The following PDZD2 variants were observed in gnomAD, a reference collection of about 807,000 sequenced individuals.
PDZD2 encodes PDZ domain containing 2.
Under a neutral mutation model 220.7 loss-of-function variants are expected in PDZD2, and 90 were observed. The observed-to-expected ratio is 0.41, with a 90% confidence interval of 0.34 to 0.49. The LOEUF is 0.49. Among genes scored for constraint, PDZD2 ranks in the 20% least tolerant of loss-of-function variants. The pLI is 0.28. For synonymous variants in PDZD2, 1,375 were observed against 1,450.5 expected, an observed-to-expected ratio of 0.95 and a Z score of 1.18; for missense variants, 3,174 against 3,608.5, an observed-to-expected ratio of 0.88 and a Z score of 3.08.
intron 2 of PDZD2, among the ~76,000 whole-genome samples, chr5:31,920,627 T>C (rs949573038): frequency 6.6e-6 from 1 of 151,754 alleles, no homozygotes; most frequent in East Asian, 1.9e-4. Context: ...GGAAATATAG[T>C]AAAACCTGTC....
chr5:32,050,937 A>G (rs1186346125), intron 8 of PDZD2, among the ~76,000 whole-genome samples: 1 of 152,216 alleles, frequency 6.6e-6, no homozygotes, highest in East Asian at 1.9e-4. Context: ...GTAGCCGTAT[A>G]TGTCTACTGA....
intron 2 of PDZD2, among the ~76,000 whole-genome samples, chr5:31,899,043 G>A (rs1225917817): frequency 1.3e-5 from 2 of 151,798 alleles, no homozygotes. Flanking sequence ...TAGCCAGGAT[G>A]GTTTCAATCT....
rs891930643 is a variant in PDZD2 at position 31,978,640 on chromosome 5, G to T, written c.477-4515G>T. 3.3e-5 allele frequency among the ~76,000 whole-genome samples: 5 copies of T among 150,790 alleles called. No individual in the cohort carries two copies. The East Asian group carries it at 7.8e-4, about 23-fold the overall frequency. On this transcript the variant is annotated intron_variant, in intron 2 of 24. Coordinates refer to ENST00000438447, the MANE Select transcript of PDZD2 (RefSeq NM_178140.4). ...TGAGGCAGGAGAATGGTGTGAACCC[G>T]GGAGGCGGAGTTGGCAGTGAGCCAA...
chr5:31,986,719 T>C (rs1750751681), intron 3 of PDZD2, among the ~76,000 whole-genome samples: 1 of 152,200 alleles, frequency 6.6e-6, no homozygotes, highest in Non-Finnish European at 1.5e-5. Flanking sequence ...ATTTTTCCAT[T>C]TCTGTCTTTA....
At chr5:31,894,591 C>G (rs1017103037) in intron 2 of PDZD2, among the ~76,000 whole-genome samples, 3 of 152,148 alleles carry the variant, frequency 2.0e-5, no homozygotes, top group Non-Finnish European at 2.9e-5. Flanking sequence ...TTTGCTTTTC[C>G]AAGCGCTTCC....
At chr5:31,693,996 G>T (rs1016521929) in intron 1 of PDZD2, among the ~76,000 whole-genome samples, 1 of 152,172 alleles carries the variant, frequency 6.6e-6, no homozygotes, top group East Asian at 1.9e-4. Context: ...CATTAACTGC[G>T]TCATAACTGC....
At chr5:31,857,532 C>G (rs1281059898) in intron 2 of PDZD2, among the ~76,000 whole-genome samples, 3 of 152,178 alleles carry the variant, frequency 2.0e-5, no homozygotes, top group Admixed American at 1.3e-4. Flanking sequence ...AAATCCCTTT[C>G]TCTCAGAAGT....
intron 1 of PDZD2, among the ~76,000 whole-genome samples, chr5:31,676,086 G>A (rs1746402087): frequency 6.6e-6 from 1 of 152,200 alleles, no homozygotes; most frequent in South Asian, 2.1e-4. Context: ...AAAGGAAAAT[G>A]CCTATTTTAT....
intron 2 of PDZD2, among the ~76,000 whole-genome samples, chr5:31,865,323 CT>C: frequency 6.6e-6 from 1 of 151,560 alleles, no homozygotes; most frequent in South Asian, 2.1e-4. Context: ...TTGTTTTTGG[CT>C]TTTTTTGAGA....
intron 2 of PDZD2, among the ~76,000 whole-genome samples, chr5:31,914,690 A>G (rs1471150389): frequency 6.6e-6 from 1 of 152,218 alleles, no homozygotes; most frequent in Non-Finnish European, 1.5e-5. Context: ...TGCCATTGCT[A>G]GTGCCATTTT....
chr5:31,912,232 G>T (rs1339947731), intron 2 of PDZD2, among the ~76,000 whole-genome samples: 2 of 152,192 alleles, frequency 1.3e-5, no homozygotes, highest in Non-Finnish European at 2.9e-5. Context: ...GTGAGGGTCT[G>T]CTTTCTGGTT....
chr5:32,040,383 T>A (rs531525504), intron 7 of PDZD2, among the ~76,000 whole-genome samples: 1 of 110,582 alleles, frequency 9.0e-6, no homozygotes, highest in Non-Finnish European at 1.8e-5. Flanking sequence ...AAGTGAGGAG[T>A]GCGTCTGCCC....
rs1743998172 is a variant in PDZD2, at chr5:32,098,985, G to A, written c.8218+351G>A. On this transcript the variant is annotated intron_variant, in intron 23 of 24. Coordinates refer to ENST00000438447, the MANE Select transcript of PDZD2 (RefSeq NM_178140.4). This position sits in a 1 kb window ranked among gnomAD's most constrained non-coding sequence, Gnocchi z 4.1. The stretch of plus-strand genomic sequence containing the variant: ...ACTACGTGACGGGGCGAGCAGTGTT[G>A]AAGGAGAAATTCCAGAACTAAGATT... 6.6e-6 allele frequency among the ~76,000 whole-genome samples: 1 copy of A among 152,186 alleles called. No individual in the cohort carries two copies. The highest frequency in any genetic ancestry group is 1.5e-5 in the Non-Finnish European group (1 of 68,026).
chr5:31,935,487 T>C (rs916946732), intron 2 of PDZD2, among the ~76,000 whole-genome samples: 9 of 152,350 alleles, frequency 5.9e-5, no homozygotes, highest in Admixed American at 3.3e-4. Flanking sequence ...ATTTCTGGTT[T>C]TGCTAGTACT....
intron 1 of PDZD2, among the ~76,000 whole-genome samples, chr5:31,782,729 T>G (rs1753127600): frequency 6.7e-6 from 1 of 148,248 alleles, no homozygotes; most frequent in Non-Finnish European, 1.5e-5. Flanking sequence ...TTTTTTTTTT[T>G]TTGAGAAAGA....
At chr5:31,922,118 C>A (rs1744319704) in intron 2 of PDZD2, among the ~76,000 whole-genome samples, 1 of 152,004 alleles carries the variant, frequency 6.6e-6, no homozygotes, top group Non-Finnish European at 1.5e-5. Flanking sequence ...AAAGGGGAAA[C>A]AAATAACTGA....
At chr5:32,042,765 A>G (rs1383223062) in intron 7 of PDZD2, among the ~76,000 whole-genome samples, 1 of 152,172 alleles carries the variant, frequency 6.6e-6, no homozygotes, top group African/African-American at 2.4e-5. Context: ...GCCCTGAGGA[A>G]GAACAAAGAG....
intron 1 of PDZD2, among the ~76,000 whole-genome samples, chr5:31,768,985 G>C (rs937345870): frequency 9.2e-5 from 14 of 152,202 alleles, no homozygotes; most frequent in Non-Finnish European, 1.8e-4. Context: ...GCTGCCCCCA[G>C]GTGTCAGTAA....
intron 2 of PDZD2, among the ~76,000 whole-genome samples, chr5:31,978,714 CAAA>C (rs10632600): frequency 4.4e-4 from 56 of 127,974 alleles, no homozygotes; most frequent in Non-Finnish European, 3.9e-4. Context: ...GACTCCATCT[CAAA>C]AAAAAAAAAA....
Sources: gnomAD v4.1 joint callset for allele counts (sites outside exome capture counted in the v4.1 genomes callset) on GRCh38, gnomAD v4.1.1 for gene constraint, Gnocchi (gnomAD v3.1) non-coding constraint, MANE v1.5 for transcripts, NCBI Gene and HGNC (gene_info 2026-07-23, HGNC 2026-07-21) for gene names.